Variants in ADCY2 observed in about 807,000 individuals in gnomAD.
The protein encoded by ADCY2 is adenylate cyclase 2, also known as adenylate cyclase type 2.
In ADCY2, 31 loss-of-function variants were observed where a neutral mutation model predicts 125.2. That is an observed-to-expected ratio of 0.25 (90% confidence interval 0.19 to 0.33). The LOEUF is 0.33. ADCY2 is among the 10% of genes least tolerant of loss of function. ADCY2 has a pLI of 1.00. For missense variants in ADCY2, 904 were observed against 1,418.2 expected (o/e 0.64, Z 5.82); for synonymous variants, 512 against 548.4 (o/e 0.93, Z 0.93).
At chr5:7,654,474 A>G (rs989759384) in intron 4 of ADCY2, among the ~76,000 whole-genome samples, 1 of 152,156 alleles carries the variant, frequency 6.6e-6, no homozygotes, top group Admixed American at 6.5e-5. Flanking sequence ...ATCCTTGAGT[A>G]GGAAGGAAGG....
chr5:7,401,136 A>T (rs952516447), intron 1 of ADCY2, among the ~76,000 whole-genome samples: 20 of 152,152 alleles, frequency 1.3e-4, no homozygotes, highest in African/African-American at 4.6e-4. Context: ...TTGTAAGCTG[A>T]TGTCCTCAAT....
chr5:7,681,310 C>A (rs992816728), intron 4 of ADCY2, among the ~76,000 whole-genome samples: 1 of 152,200 alleles, frequency 6.6e-6, no homozygotes, highest in South Asian at 2.1e-4. Flanking sequence ...TCAGTGCCCA[C>A]AGGGACAATT....
intron 3 of ADCY2, among the ~76,000 whole-genome samples, chr5:7,566,432 G>A (rs1225137204): frequency 6.6e-6 from 1 of 152,158 alleles, no homozygotes; most frequent in Non-Finnish European, 1.5e-5. Context: ...GGAGTTTGAA[G>A]CTCCAGTGAG....
intron 19 of ADCY2, among the ~76,000 whole-genome samples, chr5:7,788,665 T>G (rs1259458500): frequency 6.6e-6 from 1 of 152,234 alleles, no homozygotes; most frequent in Non-Finnish European, 1.5e-5. Flanking sequence ...TTAAATTTTT[T>G]TAATTCCCAT....
intron 2 of ADCY2, among the ~76,000 whole-genome samples, chr5:7,488,009 A>C (rs1443618642): frequency 3.9e-5 from 6 of 152,180 alleles, no homozygotes; most frequent in Non-Finnish European, 8.8e-5. Flanking sequence ...GGAAAGAAAA[A>C]AACATTATGA....
intron 2 of ADCY2, 121 bp downstream of exon 2, chr5:7,414,891 T>C: frequency 1.3e-6 from 1 of 781,400 alleles, no homozygotes; most frequent in Non-Finnish European, 1.9e-6. Flanking sequence ...CAGAGTCTAT[T>C]TTTTTCGATT....
At chr5:7,807,439 T>C (rs145821772) in intron 22 of ADCY2, among the ~76,000 whole-genome samples, 78 of 152,286 alleles carry the variant, frequency 5.1e-4, no homozygotes, top group African/African-American at 1.9e-3. Flanking sequence ...TCCAATCACA[T>C]TCTCTGAGCA....
chr5:7,508,260 C>T (rs1298636632), intron 2 of ADCY2, among the ~76,000 whole-genome samples: 1 of 152,194 alleles, frequency 6.6e-6, no homozygotes, highest in East Asian at 1.9e-4. Context: ...TACTTCTGAC[C>T]AAAGTTTTAT....
intron 14 of ADCY2, among the ~76,000 whole-genome samples, chr5:7,729,359 A>C (rs1355315400): frequency 2.0e-5 from 3 of 152,022 alleles, no homozygotes; most frequent in Non-Finnish European, 4.4e-5. Flanking sequence ...CTAGATTGTT[A>C]TTATTTGGGT....
chr5:7,428,430 T>C (rs1350664594), intron 2 of ADCY2, among the ~76,000 whole-genome samples: 2 of 152,214 alleles, frequency 1.3e-5, no homozygotes, highest in African/African-American at 4.8e-5. Context: ...CTCCATGATA[T>C]ATGATTTATA....
intron 2 of ADCY2, among the ~76,000 whole-genome samples, chr5:7,415,231 C>A (rs917518020): frequency 3.3e-5 from 5 of 152,184 alleles, no homozygotes; most frequent in African/African-American, 1.2e-4. Context: ...GAATCTTATT[C>A]CTCCTGTCTA....
intron 22 of ADCY2, among the ~76,000 whole-genome samples, chr5:7,812,134 G>C (rs893069571): frequency 3.3e-5 from 5 of 152,162 alleles, no homozygotes; most frequent in African/African-American, 9.7e-5. Flanking sequence ...TGTCATAGTA[G>C]TTAAGGGGTC....
rs746333090 is a variant in ADCY2 at position 7,804,737 on chromosome 5, C to T, written c.2883+45C>T. 3.5e-6 allele frequency: 5 copies of T among 1,448,912 alleles called. No homozygotes were observed. The African/African-American group carries it at 4.2e-5, about 12-fold the overall frequency. The allele number at this position is 1,448,912 out of a possible 1,614,324, so 89.8% of individuals were successfully genotyped here. On this transcript the variant is annotated intron_variant, in intron 22 of 24. Transcript: ENST00000338316. ...TAACGGCACAGGTGAGCCTCAACCCCATCCACAAACCACCCTGGGACCAAA... is the reference window on the plus strand; with the variant it reads ...TAACGGCACAGGTGAGCCTCAACCCTATCCACAAACCACCCTGGGACCAAA...
chr5:7,734,027 T>C (rs1046634673), intron 14 of ADCY2, among the ~76,000 whole-genome samples: 13 of 152,370 alleles, frequency 8.5e-5, no homozygotes, highest in African/African-American at 2.9e-4. Context: ...CCTTTCATTT[T>C]GAAGTTCTAT....
chr5:7,566,610 C>G (rs1000878962), intron 3 of ADCY2, among the ~76,000 whole-genome samples: 2 of 152,016 alleles, frequency 1.3e-5, no homozygotes, highest in Non-Finnish European at 2.9e-5. Context: ...GAAATAAGCC[C>G]CACTTTGTAG....
At chr5:7,756,804 G>GGGCA (rs1743006365) in intron 15 of ADCY2, among the ~76,000 whole-genome samples, 1 of 151,970 alleles carries the variant, frequency 6.6e-6, no homozygotes, top group Admixed American at 6.5e-5. Context: ...CTTGAAAATG[G>GGGCA]TTTAAAGGGC....
At chr5:7,617,985 C>T (rs545438574) in intron 3 of ADCY2, among the ~76,000 whole-genome samples, 8 of 152,152 alleles carry the variant, frequency 5.3e-5, no homozygotes, top group Non-Finnish European at 7.3e-5. Context: ...TGACTTTATG[C>T]GGAATATTTT....
At chr5:7,547,289 C>T (rs1735176643) in intron 3 of ADCY2, among the ~76,000 whole-genome samples, 1 of 152,170 alleles carries the variant, frequency 6.6e-6, no homozygotes, top group Non-Finnish European at 1.5e-5. Context: ...GAATTCATAA[C>T]CTAATGGACA....
chr5:7,735,361 A>G (rs1017825649), intron 14 of ADCY2, among the ~76,000 whole-genome samples: 2 of 152,220 alleles, frequency 1.3e-5, no homozygotes, highest in African/African-American at 4.8e-5. Context: ...CCTCCAGTAC[A>G]AAGTTAAATA....
Sources: allele counts gnomAD v4.1 joint callset (sites outside exome capture counted in the v4.1 genomes callset), GRCh38; gene constraint gnomAD v4.1.1; transcripts MANE v1.5; gene names NCBI Gene and HGNC (gene_info 2026-07-23, HGNC 2026-07-21).